Variants in CIMIP5 observed in about 807,000 individuals in gnomAD.
CIMIP5 encodes the protein ciliary microtubule inner protein 5, also known as uncharacterized protein C2orf50.
chr2:11,135,011 CAGAG>C, the CIMIP5 span, among the ~76,000 whole-genome samples: 11 of 151,948 alleles, frequency 7.2e-5, no homozygotes, highest in Admixed American at 3.3e-4. Flanking sequence ...GACCAAGAGA[CAGAG>C]AGAGAGACAG....
At chr2:11,143,179 C>G in the CIMIP5 span, among the ~76,000 whole-genome samples, 3 of 146,662 alleles carry the variant, frequency 2.0e-5, no homozygotes, top group Non-Finnish European at 3.0e-5. Context: ...ACAGTTCACA[C>G]CATGGAGTAC....
At chr2:11,151,860 C>T in the CIMIP5 span, among the ~76,000 whole-genome samples, 1 of 152,246 alleles carries the variant, frequency 6.6e-6, no homozygotes, top group Non-Finnish European at 1.5e-5. Flanking sequence ...TCTCTTACTC[C>T]TGACCTCAGG....
chr2:11,140,158 C>T, the CIMIP5 span, among the ~76,000 whole-genome samples: 5 of 147,082 alleles, frequency 3.4e-5, no homozygotes, highest in East Asian at 4.0e-4. Flanking sequence ...GAGGCCGAGG[C>T]GGGCGGATCA....
the CIMIP5 span, among the ~76,000 whole-genome samples, chr2:11,137,753 G>T: frequency 1.3e-5 from 2 of 152,238 alleles, no homozygotes; most frequent in African/African-American, 4.8e-5. Context: ...TGAAGGAAAA[G>T]ACCAGCCTGT....
the CIMIP5 span, chr2:11,133,228 G>A: frequency 3.7e-6 from 5 of 1,364,946 alleles, no homozygotes; most frequent in Non-Finnish European, 4.8e-6. Context: ...CTCTCCCGGG[G>A]TTAGGAGGGA....
At chr2:11,140,478 A>ACTT in the CIMIP5 span, 12 of 1,521,558 alleles carry the variant, frequency 7.9e-6, no homozygotes, top group African/African-American at 2.7e-5. Context: ...CCTGGAAGGA[A>ACTT]CTCACACAGC....
the CIMIP5 span, chr2:11,143,908 C>T: frequency 6.4e-7 from 1 of 1,561,474 alleles, no homozygotes; most frequent in Non-Finnish European, 8.7e-7. Flanking sequence ...CCGAGCTGTC[C>T]CCTCTCCTCA....
chr2:11,144,250 G>T, the CIMIP5 span: 1 of 600,838 alleles, frequency 1.7e-6, no homozygotes, highest in Non-Finnish European at 2.7e-6. Flanking sequence ...CACTCTTCCA[G>T]GGGACCCAAG....
At chr2:11,136,617 A>C in the CIMIP5 span, among the ~76,000 whole-genome samples, 2 of 152,130 alleles carry the variant, frequency 1.3e-5, no homozygotes, top group Admixed American at 1.3e-4. Flanking sequence ...GTTTTGGAGG[A>C]TGAGGACTGA....
the CIMIP5 span, among the ~76,000 whole-genome samples, chr2:11,136,106 C>T: frequency 6.6e-6 from 1 of 152,144 alleles, no homozygotes; most frequent in Non-Finnish European, 1.5e-5. Flanking sequence ...TGCTTGTTTC[C>T]TTTGCTCTTC....
At chr2:11,134,249 G>A in the CIMIP5 span, among the ~76,000 whole-genome samples, 2 of 152,214 alleles carry the variant, frequency 1.3e-5, no homozygotes, top group East Asian at 1.9e-4. Context: ...CAAAGAATTC[G>A]TGTAGCTGAG....
chr2:11,141,074 C>G, the CIMIP5 span, among the ~76,000 whole-genome samples: 3 of 150,592 alleles, frequency 2.0e-5, no homozygotes, highest in East Asian at 5.9e-4. Context: ...TCTAAACCAT[C>G]TATCTCCCCA....
the CIMIP5 span, chr2:11,133,310 GCA>G: frequency 3.6e-3 from 4,387 of 1,207,028 alleles, no homozygotes; most frequent in Admixed American, 0.01. Flanking sequence ...TGACACAAGC[GCA>G]CACACACACA....
At chr2:11,143,969 C>T in the CIMIP5 span, 23 of 1,604,906 alleles carry the variant, frequency 1.4e-5, no homozygotes, top group Middle Eastern at 3.3e-4. Context: ...CCTCTCTTTT[C>T]GGACACAGTT....
chr2:11,142,713 AT>A, the CIMIP5 span, among the ~76,000 whole-genome samples: 3,737 of 104,090 alleles, frequency 0.036, 106 homozygotes, highest in African/African-American at 0.12. Flanking sequence ...CACTTGTCAG[AT>A]TTTTTTTTTT....
the CIMIP5 span, chr2:11,143,869 G>A: frequency 6.9e-7 from 1 of 1,443,592 alleles, no homozygotes; most frequent in Admixed American, 2.3e-5. Flanking sequence ...CCCATTCTAA[G>A]GTCCTCCTTT....
chr2:11,134,392 G>A, the CIMIP5 span, among the ~76,000 whole-genome samples: 1 of 152,164 alleles, frequency 6.6e-6, no homozygotes, highest in African/African-American at 2.4e-5. Flanking sequence ...GCATGATCTC[G>A]ATTACATTTT....
chr2:11,137,086 C>T, the CIMIP5 span, among the ~76,000 whole-genome samples: 1 of 152,256 alleles, frequency 6.6e-6, no homozygotes, highest in East Asian at 1.9e-4. Flanking sequence ...AAAAATGAAA[C>T]AAGAGGTCGG....
chr2:11,136,703 G>A, the CIMIP5 span, among the ~76,000 whole-genome samples: 3 of 152,242 alleles, frequency 2.0e-5, no homozygotes, highest in South Asian at 2.1e-4. Flanking sequence ...GCCCAACTCC[G>A]TGAATATATT....
Sources: allele counts gnomAD v4.1 joint callset (sites outside exome capture counted in the v4.1 genomes callset), GRCh38; gene constraint gnomAD v4.1.1; transcripts MANE v1.5; gene names NCBI Gene and HGNC (gene_info 2026-07-23, HGNC 2026-07-21).